Variants in NPEPPS observed in about 807,000 individuals in gnomAD.
The protein encoded by NPEPPS is puromycin-sensitive aminopeptidase.
A neutral mutation model predicts 115.5 loss-of-function variants in NPEPPS; 14 were observed. The ratio of observed to expected loss-of-function variants is 0.12; its 90% confidence interval spans 0.08 to 0.19. The LOEUF is 0.19. Ranked by LOEUF, NPEPPS falls within the 10% of genes least tolerant of loss-of-function variation. The probability of loss-of-function intolerance (pLI) is 1.00; values close to 1 mark genes in which losing one functional copy is unlikely to be tolerated. For missense variants in NPEPPS, 523 were observed against 1,110.8 expected, an observed-to-expected ratio of 0.47 and a Z score of 7.52; for synonymous variants, 285 against 390.6, an observed-to-expected ratio of 0.73 and a Z score of 3.19.
chr17:47,533,123 TA>T (rs1907944530), intron 1 of NPEPPS, among the ~76,000 whole-genome samples: 1 of 152,138 alleles, frequency 6.6e-6, no homozygotes, highest in South Asian at 2.1e-4. Context: ...AAAATATGTC[TA>T]AAAGTACAGA....
intron 2 of NPEPPS, among the ~76,000 whole-genome samples, chr17:47,561,480 A>G (rs919142630): frequency 6.6e-6 from 1 of 152,132 alleles, no homozygotes; most frequent in Non-Finnish European, 1.5e-5. Context: ...AACAATACAC[A>G]TATATTTTAT....
chr17:47,531,062 G>C, upstream of NPEPPS: 1 of 472,718 alleles, frequency 2.1e-6, no homozygotes, highest in East Asian at 4.5e-5. Context: ...CGCACTCCAC[G>C]GGGGCGCGCC....
chr17:47,612,221 G>A (rs779010534), intron 17 of NPEPPS, among the ~76,000 whole-genome samples: 3 of 152,148 alleles, frequency 2.0e-5, no homozygotes, highest in Non-Finnish European at 4.4e-5. Flanking sequence ...AACTCAGATA[G>A]TTTGCATTCG....
At chr17:47,543,958 A>C (rs1040346640) in intron 1 of NPEPPS, among the ~76,000 whole-genome samples, 10 of 149,084 alleles carry the variant, frequency 6.7e-5, no homozygotes, top group African/African-American at 2.2e-4. Flanking sequence ...GCAGTGGCAC[A>C]ATCTCCGCTC....
intron 2 of NPEPPS, among the ~76,000 whole-genome samples, chr17:47,560,149 G>C (rs1187348246): frequency 6.6e-6 from 1 of 151,678 alleles, no homozygotes. Flanking sequence ...AGTTTTGTGG[G>C]TGTCAAGTAG....
rs569617310 is a variant in NPEPPS, at chr17:47,587,100, A to G, written c.981-130A>G. ...TCTTCGTGAAACTTTTTCTTTCCAT[A>G]TTAGGAAATATTTTCCTAATATCTC... On this transcript the variant is annotated intron_variant, in intron 8 of 22. Transcript: ENST00000322157. 2.2e-4 allele frequency: 168 copies of G among 780,090 alleles called. No individual in the cohort carries two copies. The African/African-American group carries it at 2.7e-3, about 13-fold the overall frequency. The allele number at this position is 780,090 out of a possible 1,614,324, so 48.3% of individuals were successfully genotyped here. A position where few individuals can be genotyped will look rare whatever the true frequency, so the allele number is the denominator to read the frequency against.
At chr17:47,553,751 C>G (rs927966003) in intron 2 of NPEPPS, among the ~76,000 whole-genome samples, 3 of 150,994 alleles carry the variant, frequency 2.0e-5, no homozygotes, top group Admixed American at 6.6e-5. Context: ...TTGTGTGCGT[C>G]TCTCTCTCTT....
At chr17:47,538,526 C>CT (rs1029993473) in intron 1 of NPEPPS, among the ~76,000 whole-genome samples, 6,630 of 104,438 alleles carry the variant, frequency 0.063, 561 homozygotes, top group East Asian at 0.15. Flanking sequence ...TATCTGTTTT[C>CT]TTTTTTTTTT....
chr17:47,535,025 A>C (rs1908098061), intron 1 of NPEPPS, among the ~76,000 whole-genome samples: 1 of 151,164 alleles, frequency 6.6e-6, no homozygotes, highest in African/African-American at 2.4e-5. Flanking sequence ...CGGGCGGATC[A>C]CGAGGTCAGG....
chr17:47,542,546 C>CAAAAA (rs397857323), intron 1 of NPEPPS, among the ~76,000 whole-genome samples: 3 of 83,118 alleles, frequency 3.6e-5, no homozygotes, highest in South Asian at 4.1e-4. Flanking sequence ...AGCTCCGTCT[C>CAAAAA]AAAAAAAAAA....
rs2143646225 is a variant in NPEPPS, at chr17:47,531,128, C to G, written c.-173C>G. ...CCACCACTTCCCCCTCTCCCTCCCTCCTTGCGGGCCCTCCTCCCCTTCCCT... is the reference window on the plus strand; with the variant it reads ...CCACCACTTCCCCCTCTCCCTCCCTGCTTGCGGGCCCTCCTCCCCTTCCCT... On this transcript the variant is annotated 5_prime_UTR_variant, in exon 1 of 23. Coordinates refer to ENST00000322157, the MANE Select transcript of NPEPPS (RefSeq NM_006310.4). 2 of 888,314 alleles carry G rather than the reference C, an allele frequency of 2.3e-6. No homozygotes were observed. The highest frequency in any genetic ancestry group is 2.4e-5 in the South Asian group (1 of 41,258). The allele number at this position is 888,314 out of a possible 1,614,324, so 55.0% of individuals were successfully genotyped here.
At chr17:47,563,901 C>T (rs1430354313) in intron 2 of NPEPPS, among the ~76,000 whole-genome samples, 1 of 150,118 alleles carries the variant, frequency 6.7e-6, no homozygotes. Context: ...TAACTAGGAA[C>T]TGTGCTGTGT....
At chr17:47,596,130 G>T in intron 12 of NPEPPS, 1 of 387,112 alleles carries the variant, frequency 2.6e-6, no homozygotes. Context: ...TCTAGCCTGG[G>T]TGATGAAGTA....
At chr17:47,587,530 A>G (rs1912265038) in intron 9 of NPEPPS, among the ~76,000 whole-genome samples, 186 bp downstream of exon 9, 1 of 151,900 alleles carries the variant, frequency 6.6e-6, no homozygotes. Flanking sequence ...ACAAGGGCAT[A>G]TGGACAGTCT....
At chr17:47,537,873 T>C (rs539138846) in intron 1 of NPEPPS, among the ~76,000 whole-genome samples, 1 of 152,140 alleles carries the variant, frequency 6.6e-6, no homozygotes, top group East Asian at 1.9e-4. Context: ...AATTTATCAG[T>C]TTCATATCTG....
intron 22 of NPEPPS, chr17:47,619,998 C>G: frequency 2.3e-6 from 1 of 435,646 alleles, no homozygotes; most frequent in Non-Finnish European, 4.2e-6. Context: ...TTTGGGAGGC[C>G]GAGGTGGGTG....
rs372571754 is a variant in NPEPPS, at chr17:47,605,511, C to T, written c.2054C>T (p.Pro685Leu). ...IQEFVKDVFS[P>L]IGERLGWDPK... ...GAGTTTGTGAAAGATGTCTTTTCACCTATAGGGGAGAGACTGGGCTGGGAC... is the reference window on the plus strand; with the variant it reads ...GAGTTTGTGAAAGATGTCTTTTCACTTATAGGGGAGAGACTGGGCTGGGAC... The change falls in exon 17 of 23, where the codon CCT becomes CTT. Residue 685 changes from proline to leucine, a missense_variant. Around this residue, in one of 4 missense-constraint regions of NPEPPS, gnomAD observed 372 missense variants for 542.6 expected, o/e 0.69. Coordinates refer to ENST00000322157, the MANE Select transcript of NPEPPS (RefSeq NM_006310.4). 6.3e-7 allele frequency: 1 copy of T among 1,599,538 alleles called. No homozygotes were observed. The highest frequency in any genetic ancestry group is 8.5e-7 in the Non-Finnish European group (1 of 1,172,338).
chr17:47,545,789 C>T, intron 1 of NPEPPS, 120 bp from the exon 2 acceptor site: 2 of 1,447,772 alleles, frequency 1.4e-6, no homozygotes, highest in Non-Finnish European at 1.9e-6. Flanking sequence ...TCAAGCGATC[C>T]TCTTTGCTTG....
intron 2 of NPEPPS, among the ~76,000 whole-genome samples, chr17:47,563,910 G>A (rs1910622517): frequency 6.6e-6 from 1 of 151,892 alleles, no homozygotes; most frequent in African/African-American, 2.4e-5. Flanking sequence ...ACTGTGCTGT[G>A]TGTTTTATAT....
Sources: allele counts gnomAD v4.1 joint callset (sites outside exome capture counted in the v4.1 genomes callset), GRCh38; gene constraint gnomAD v4.1.1; regional missense constraint gnomAD v4.1.1; transcripts MANE v1.5; gene names NCBI Gene and HGNC (gene_info 2026-07-23, HGNC 2026-07-21).